AGO2: variants seen among roughly 807,000 people sequenced by gnomAD.
AGO2 encodes protein argonaute-2.
AGO2 carries 5 observed loss-of-function variants against 102.3 expected under a neutral mutation model. The ratio of observed to expected loss-of-function variants is 0.05; its 90% confidence interval spans 0.03 to 0.10. The LOEUF (loss-of-function observed/expected upper bound fraction) is 0.10, where lower values mean the gene tolerates loss of function less well. AGO2 is among the 10% of genes least tolerant of loss of function. The probability of loss-of-function intolerance (pLI) is 1.00; values close to 1 mark genes in which losing one functional copy is unlikely to be tolerated. For synonymous variants in AGO2, 449 were observed against 473.1 expected (o/e 0.95, Z 0.66); for missense variants, 541 against 1,183.7 (o/e 0.46, Z 7.97).
Position 140,557,371 on chromosome 8 carries a change from T to A in AGO2, c.879-135A>T. 9.0e-7 allele frequency: 1 copy of A among 1,107,412 alleles called. No homozygotes were observed. Among genetic ancestry groups the A allele is most frequent in the African/African-American group, 1.6e-5 (1 of 63,368 alleles). 68.6% of individuals were successfully genotyped at this position (1,107,412 alleles called of 1,614,324 possible). On this transcript the variant is annotated intron_variant, in intron 7 of 18. Transcript: ENST00000220592. The surrounding 1 kb of genome is among the most constrained non-coding windows in gnomAD (Gnocchi z 5.9). The stretch of plus-strand genomic sequence containing the variant: ...AGAGCACTTCCGGGAGTGAAAACCA[T>A]GTCATGTGCTTTGGGTTATCTGGAA...
chr8:140,615,325 C>G (rs961863539), intron 1 of AGO2, among the ~76,000 whole-genome samples: 1 of 152,258 alleles, frequency 6.6e-6, no homozygotes, highest in Non-Finnish European at 1.5e-5. Context: ...AGACAGCCCC[C>G]TGGCCAGGCC....
chr8:140,550,720 G>A (rs567522594), intron 11 of AGO2, among the ~76,000 whole-genome samples: 76 of 152,258 alleles, frequency 5.0e-4, no homozygotes, highest in Admixed American at 4.1e-3. Flanking sequence ...GGGTTCAAGC[G>A]ATTCTCCAGC....
rs2072522833 is a variant in AGO2, at chr8:140,527,295, G to C, written c.*4749C>G. 1 of 152,200 alleles carries C rather than the reference G, an allele frequency of 6.6e-6. No individual in the cohort carries two copies. The highest frequency in any genetic ancestry group is 1.5e-5 in the Non-Finnish European group (1 of 68,036). 9.4% of individuals were successfully genotyped at this position (152,200 alleles called of 1,614,324 possible). A position where few individuals can be genotyped will look rare whatever the true frequency, so the allele number is the denominator to read the frequency against. On this transcript the variant is annotated 3_prime_UTR_variant, in exon 19 of 19. Coordinates refer to ENST00000220592, the MANE Select transcript of AGO2 (RefSeq NM_012154.5). The surrounding 1 kb of genome is among the most constrained non-coding windows in gnomAD (Gnocchi z 6.0). ...AAGCTAAAGGGCGGAACAGAGTTAA[G>C]TCCACACAACTTTAACACATAATAC...
intron 13 of AGO2, among the ~76,000 whole-genome samples, chr8:140,545,126 C>T (rs1375901105): frequency 6.6e-6 from 1 of 152,054 alleles, no homozygotes; most frequent in African/African-American, 2.4e-5. Context: ...GCATCCATTT[C>T]CCTGCATGCC....
At chr8:140,576,263 G>A (rs1282677407) in intron 2 of AGO2, among the ~76,000 whole-genome samples, 13 of 152,174 alleles carry the variant, frequency 8.5e-5, no homozygotes, top group Admixed American at 3.3e-4. Flanking sequence ...GCAGTGAGCC[G>A]AGATTGTGCC....
intron 1 of AGO2, among the ~76,000 whole-genome samples, chr8:140,606,332 C>T (rs1156458355): frequency 2.6e-5 from 4 of 152,346 alleles, no homozygotes; most frequent in East Asian, 3.9e-4. Context: ...GAGGAGCATG[C>T]AGTTCACTTA....
At position 140,557,861 on chromosome 8, in the gene AGO2, GCCA is replaced by G. The variant is rs2073127353; in HGVS notation, c.878+621_878+623del. 6.6e-6 allele frequency among the ~76,000 whole-genome samples: 1 copy of G among 152,204 alleles called. No homozygotes were observed. Among genetic ancestry groups the G allele is most frequent in the African/African-American group, 2.4e-5 (1 of 41,460 alleles). ...CCGGGCCATCTGCAGCCTCTGCCAG[GCCA>G]CAGGCCCTCTCGTCCTTCTGCTCCC... On this transcript the variant is annotated intron_variant, in intron 7 of 18. Transcript: ENST00000220592. The surrounding 1 kb of genome is among the most constrained non-coding windows in gnomAD (Gnocchi z 5.9).
chr8:140,568,791 T>C (rs2073333384), intron 3 of AGO2, among the ~76,000 whole-genome samples: 1 of 152,212 alleles, frequency 6.6e-6, no homozygotes, highest in East Asian at 1.9e-4. Flanking sequence ...ACCTGGCAGA[T>C]GACAGAGCAG....
chr8:140,628,198 T>C (rs62529984), intron 1 of AGO2, among the ~76,000 whole-genome samples: 13,267 of 152,344 alleles, frequency 0.087, 657 homozygotes, highest in Non-Finnish European at 0.11. Context: ...GAGCACCAGC[T>C]GTGGGCAGGC....
At chr8:140,597,474 ACC>A (rs1163320106) in intron 1 of AGO2, among the ~76,000 whole-genome samples, 538 of 45,118 alleles carry the variant, frequency 0.012, 7 homozygotes, top group African/African-American at 0.041. Context: ...TGGCCCCCCC[ACC>A]CCCCCCCCCC....
At chr8:140,609,576 G>C (rs1429383405) in intron 1 of AGO2, among the ~76,000 whole-genome samples, 1 of 152,144 alleles carries the variant, frequency 6.6e-6, no homozygotes, top group Non-Finnish European at 1.5e-5. Flanking sequence ...ATCTCAATGA[G>C]GCCTCCCTAA....
At position 140,526,828 on chromosome 8, in the gene AGO2, C is replaced by T. The variant is rs1289447405; in HGVS notation, c.*5216G>A. ...GACACACACACAGACTGGTCTGGGG[C>T]TGAAAAACTTCTTGCTGGGTGTGAC... On this transcript the variant is annotated 3_prime_UTR_variant, in exon 19 of 19. Transcript: ENST00000220592. This position sits in a 1 kb window ranked among gnomAD's most constrained non-coding sequence, Gnocchi z 5.2. 6.6e-6 allele frequency: 1 copy of T among 152,180 alleles called. No homozygotes were observed. Among genetic ancestry groups the T allele is most frequent in the Non-Finnish European group, 1.5e-5 (1 of 68,056 alleles). 9.4% of individuals were successfully genotyped at this position (152,180 alleles called of 1,614,324 possible).
chr8:140,588,563 G>A lies in AGO2; in HGVS notation c.23-3252C>T, dbSNP rs938168653. 3.4e-5 allele frequency among the ~76,000 whole-genome samples: 5 copies of A among 146,568 alleles called. No homozygotes were observed. In the South Asian group the frequency reaches 1.1e-3, roughly 33 times the overall value. On this transcript the variant is annotated intron_variant, in intron 1 of 18. Coordinates refer to ENST00000220592, the MANE Select transcript of AGO2 (RefSeq NM_012154.5). ...CTACTACAAACATTCCATTTGTGAG[G>A]GAAGGAGGGAGGGAGTAAAGAAGGG... is the stretch of plus-strand genomic sequence containing the variant.
At position 140,527,777 on chromosome 8, in the gene AGO2, G is replaced by A. The variant is rs2072530046; in HGVS notation, c.*4267C>T. Reference sequence around the variant, plus strand: ...GGTCAGAGAGAGGTCACAGGAAAATGTCGTATGGCTTGTCTGGGCCACTGG... The same window carrying A: ...GGTCAGAGAGAGGTCACAGGAAAATATCGTATGGCTTGTCTGGGCCACTGG... On this transcript the variant is annotated 3_prime_UTR_variant, in exon 19 of 19. Coordinates refer to ENST00000220592, the MANE Select transcript of AGO2 (RefSeq NM_012154.5). The surrounding 1 kb of genome is among the most constrained non-coding windows in gnomAD (Gnocchi z 6.0). The A allele has an allele frequency of 6.6e-6, 1 of 152,284 alleles. No homozygotes were observed. Among genetic ancestry groups the A allele is most frequent in the Non-Finnish European group, 1.5e-5 (1 of 68,052 alleles). 9.4% of individuals were successfully genotyped at this position (152,284 alleles called of 1,614,324 possible). A position where few individuals can be genotyped will look rare whatever the true frequency, so the allele number is the denominator to read the frequency against.
chr8:140,613,605 C>G (rs1042254198), intron 1 of AGO2, among the ~76,000 whole-genome samples: 1 of 152,178 alleles, frequency 6.6e-6, no homozygotes, highest in Non-Finnish European at 1.5e-5. Flanking sequence ...CTTAAAAACA[C>G]AGCAGCCCTG....
chr8:140,592,340 TTC>T (rs1349268779), intron 1 of AGO2: 1 of 152,224 alleles, frequency 6.6e-6, no homozygotes, highest in Non-Finnish European at 1.5e-5. Context: ...ATGCGTACAT[TTC>T]TCTGACTCTT....
At chr8:140,556,941 C>T (rs559654023) in intron 8 of AGO2, 148 bp downstream of exon 8, 5 of 1,183,256 alleles carry the variant, frequency 4.2e-6, no homozygotes, top group Non-Finnish European at 6.0e-6. Context: ...TGTAACAAAG[C>T]CCATTAACCC....
intron 1 of AGO2, among the ~76,000 whole-genome samples, chr8:140,630,463 A>C (rs548474705): frequency 6.6e-5 from 10 of 152,358 alleles, no homozygotes; most frequent in Admixed American, 5.2e-4. Flanking sequence ...TCAAGTTCCT[A>C]AACTTTTGGA....
rs375446048 is a variant in AGO2, at chr8:140,585,184, G to C, written c.150C>G (p.Pro50=). 2.5e-6 allele frequency: 4 copies of C among 1,613,988 alleles called. No homozygotes were observed. The African/African-American group carries it at 5.3e-5, about 22-fold the overall frequency. Reference sequence around the variant, plus strand: ...ATTCATAATGATAGATGTCAATTTTGGGGATGTCCATTTCGAAGAAATTGG... The same window carrying C: ...ATTCATAATGATAGATGTCAATTTTCGGGATGTCCATTTCGAAGAAATTGG... The part of the protein sequence containing the change: ...LQANFFEMDI[P]KIDIYHYELD... Residue 50 remains proline, a synonymous_variant, in exon 2 of 19, where the codon CCC becomes CCG. Coordinates refer to ENST00000220592, the MANE Select transcript of AGO2 (RefSeq NM_012154.5).
Sources: allele counts gnomAD v4.1 joint callset (sites outside exome capture counted in the v4.1 genomes callset), GRCh38; gene constraint gnomAD v4.1.1; non-coding constraint Gnocchi (gnomAD v3.1); transcripts MANE v1.5; gene names NCBI Gene and HGNC (gene_info 2026-07-23, HGNC 2026-07-21).